Variants in MTSS1 observed in about 807,000 individuals in gnomAD.
MTSS1 encodes the protein MTSS I-BAR domain containing 1.
Under a neutral mutation model 79.0 loss-of-function variants are expected in MTSS1, and 18 were observed. That is an observed-to-expected ratio of 0.23 (90% CI 0.16 to 0.34). The LOEUF is 0.34. MTSS1 is among the 10% of genes least tolerant of loss of function. The pLI, the probability that MTSS1 is intolerant of heterozygous loss-of-function variation, is 1.00. For missense variants in MTSS1, 815 were observed against 986.2 expected, an observed-to-expected ratio of 0.83 and a Z score of 2.33; for synonymous variants, 341 against 368.6, an observed-to-expected ratio of 0.93 and a Z score of 0.86.
chr8:124,721,000 A>G (rs941372382), intron 1 of MTSS1, among the ~76,000 whole-genome samples: 7 of 152,160 alleles, frequency 4.6e-5, no homozygotes, highest in African/African-American at 1.4e-4. Context: ...TTTAACTTCA[A>G]GGTCAACTCT....
intron 3 of MTSS1, among the ~76,000 whole-genome samples, chr8:124,685,042 G>GTAAA (rs899435895): frequency 6.6e-6 from 1 of 152,072 alleles, no homozygotes; most frequent in Non-Finnish European, 1.5e-5. Context: ...TTTTCTCATG[G>GTAAA]TAAATAAATA....
At position 124,727,783 on chromosome 8, in the gene MTSS1, T is replaced by G; in HGVS notation, c.72+101A>C. 1 of 1,079,016 alleles carries G rather than the reference T, an allele frequency of 9.3e-7. No individual in the cohort carries two copies. The highest frequency in any genetic ancestry group is 2.6e-4 in the Middle Eastern group (1 of 3,814). The allele number at this position is 1,079,016 out of a possible 1,614,324, so 66.8% of individuals were successfully genotyped here. On this transcript the variant is annotated intron_variant, in intron 1 of 13. Coordinates refer to ENST00000518547, the MANE Select transcript of MTSS1 (RefSeq NM_014751.6). The surrounding 1 kb of genome is among the most constrained non-coding windows in gnomAD (Gnocchi z 4.7). ...TCCCGCAGGTGGCCGGTGGCCACAC[T>G]GCAGGGAAGGGCCGGGTGCCCGGCC...
rs1044013457 is a variant in MTSS1 at position 124,582,032 on chromosome 8, G to A, written c.460+3055C>T. On this transcript the variant is annotated intron_variant, in intron 6 of 13. Transcript: ENST00000518547. This position sits in a 1 kb window ranked among gnomAD's most constrained non-coding sequence, Gnocchi z 4.8. Reference sequence around the variant, plus strand: ...CACACCATCTCCCCAGCATCCTGCCGCCTCCGTCCCTCCACCTGTCGGCAA... The same window carrying A: ...CACACCATCTCCCCAGCATCCTGCCACCTCCGTCCCTCCACCTGTCGGCAA... 1.1e-4 allele frequency among the ~76,000 whole-genome samples: 17 copies of A among 152,182 alleles called. No homozygotes were observed. Among genetic ancestry groups the A allele is most frequent in the East Asian group, 5.8e-4 (3 of 5,166 alleles).
intron 10 of MTSS1, 141 bp downstream of exon 10, chr8:124,562,641 A>C (rs1166371111): frequency 1.2e-6 from 1 of 815,802 alleles, no homozygotes; most frequent in Admixed American, 2.6e-5. Flanking sequence ...AATACATCTA[A>C]AGATGAGAAA....
intron 3 of MTSS1, among the ~76,000 whole-genome samples, chr8:124,667,180 C>T (rs919642007): frequency 1.3e-5 from 2 of 152,084 alleles, no homozygotes; most frequent in East Asian, 1.9e-4. Flanking sequence ...CATGGGGAGG[C>T]GCTCTCCCCA....
At chr8:124,663,818 C>A (rs928046754) in intron 3 of MTSS1, among the ~76,000 whole-genome samples, 10 of 152,120 alleles carry the variant, frequency 6.6e-5, no homozygotes, top group Non-Finnish European at 1.5e-4. Context: ...TCAAGGAGGG[C>A]AGAGACACAC....
chr8:124,613,091 A>G (rs1282996820), intron 3 of MTSS1, among the ~76,000 whole-genome samples: 1 of 152,174 alleles, frequency 6.6e-6, no homozygotes, highest in Non-Finnish European at 1.5e-5. Flanking sequence ...CCGCCCGAGG[A>G]CCATCTTACA....
At chr8:124,685,638 T>C (rs543376510) in intron 3 of MTSS1, among the ~76,000 whole-genome samples, 1 of 152,176 alleles carries the variant, frequency 6.6e-6, no homozygotes, top group Admixed American at 6.5e-5. Context: ...TCAACACACC[T>C]GGGGCATGTA....
chr8:124,655,390 T>G (rs61672726), intron 3 of MTSS1, among the ~76,000 whole-genome samples: 3,192 of 152,330 alleles, frequency 0.021, 103 homozygotes, highest in African/African-American at 0.074. Flanking sequence ...TTGCTAGGCC[T>G]GGAGGTACAC....
chr8:124,726,720 C>T (rs572229118), intron 1 of MTSS1, among the ~76,000 whole-genome samples: 10 of 152,266 alleles, frequency 6.6e-5, no homozygotes, highest in African/African-American at 2.4e-4. Context: ...CTCCAGGCGC[C>T]CAGGCAGCGG....
chr8:124,696,075 C>T (rs1828768457), intron 3 of MTSS1, among the ~76,000 whole-genome samples: 1 of 152,060 alleles, frequency 6.6e-6, no homozygotes, highest in Non-Finnish European at 1.5e-5. Flanking sequence ...GCAACCTCCA[C>T]CTCCCGAGTT....
Position 124,727,678 on chromosome 8 carries a change from C to T in MTSS1, c.72+206G>A. ...GATGGCGTGGGACAGCAGACACCCC[C>T]CAGAGAAGCCACCCGCCCAGTGACC... On this transcript the variant is annotated intron_variant, in intron 1 of 13. Coordinates refer to ENST00000518547, the MANE Select transcript of MTSS1 (RefSeq NM_014751.6). This position sits in a 1 kb window ranked among gnomAD's most constrained non-coding sequence, Gnocchi z 4.7. 1 of 669,486 alleles carries T rather than the reference C, an allele frequency of 1.5e-6. No homozygotes were observed. Among genetic ancestry groups the T allele is most frequent in the South Asian group, 1.5e-5 (1 of 65,906 alleles). The allele number at this position is 669,486 out of a possible 1,614,324, so 41.5% of individuals were successfully genotyped here.
chr8:124,723,486 T>C (rs897023266), intron 1 of MTSS1, among the ~76,000 whole-genome samples: 6 of 140,326 alleles, frequency 4.3e-5, no homozygotes, highest in Admixed American at 2.2e-4. Context: ...TTTGACTAAA[T>C]AGTAAAGGGT....
chr8:124,655,460 G>A (rs1266193888), intron 3 of MTSS1, among the ~76,000 whole-genome samples: 1 of 151,912 alleles, frequency 6.6e-6, no homozygotes, highest in Non-Finnish European at 1.5e-5. Context: ...AGAACAGGGA[G>A]GGGTTGCCAC....
intron 3 of MTSS1, among the ~76,000 whole-genome samples, chr8:124,633,368 T>C (rs1816374416): frequency 6.6e-6 from 1 of 152,202 alleles, no homozygotes; most frequent in Non-Finnish European, 1.5e-5. Flanking sequence ...TCACAAACTC[T>C]CCTGATCACA....
chr8:124,615,370 A>G (rs1042398024), intron 3 of MTSS1, among the ~76,000 whole-genome samples: 6 of 152,192 alleles, frequency 3.9e-5, no homozygotes, highest in African/African-American at 1.4e-4. Context: ...ATATACATAC[A>G]ATGGATTATT....
intron 6 of MTSS1, among the ~76,000 whole-genome samples, chr8:124,584,754 C>T (rs892142050): frequency 6.6e-6 from 1 of 152,160 alleles, no homozygotes; most frequent in African/African-American, 2.4e-5. Context: ...GTAATAATTA[C>T]TAGAGAACAT....
intron 3 of MTSS1, among the ~76,000 whole-genome samples, chr8:124,600,117 C>G (rs1430041413): frequency 2.0e-5 from 3 of 152,000 alleles, no homozygotes; most frequent in Non-Finnish European, 4.4e-5. Context: ...AAATCACACC[C>G]AAAATGCATC....
At chr8:124,606,338 G>A (rs1184205255) in intron 3 of MTSS1, among the ~76,000 whole-genome samples, 1 of 151,658 alleles carries the variant, frequency 6.6e-6, no homozygotes, top group Non-Finnish European at 1.5e-5. Context: ...TAGTAGAGAC[G>A]GGGTTTCACC....
Sources: gnomAD v4.1 joint callset for allele counts (sites outside exome capture counted in the v4.1 genomes callset) on GRCh38, gnomAD v4.1.1 for gene constraint, Gnocchi (gnomAD v3.1) non-coding constraint, MANE v1.5 for transcripts, NCBI Gene and HGNC (gene_info 2026-07-23, HGNC 2026-07-21) for gene names.